Variants in HS3ST3A1 observed in about 807,000 individuals in gnomAD.
HS3ST3A1 encodes the protein heparan sulfate-glucosamine 3-sulfotransferase 3A1.
Under a neutral mutation model 25.7 loss-of-function variants are expected in HS3ST3A1, and 19 were observed. The ratio of observed to expected loss-of-function variants is 0.74; its 90% CI spans 0.52 to 1.08. The LOEUF (loss-of-function observed/expected upper bound fraction) is 1.08. Among genes scored for constraint, HS3ST3A1 ranks in the 50% least tolerant of loss-of-function variants. HS3ST3A1 has a pLI of 0.00. For synonymous variants in HS3ST3A1, 226 were observed against 278.6 expected (o/e 0.81, Z 1.88); for missense variants, 459 against 594.3 (o/e 0.77, Z 2.37).
At chr17:13,503,408 C>T (rs1033210129) in intron 1 of HS3ST3A1, among the ~76,000 whole-genome samples, 3 of 152,040 alleles carry the variant, frequency 2.0e-5, no homozygotes, top group African/African-American at 7.2e-5. Flanking sequence ...TGTATATTTT[C>T]AACAAGCTAG....
At chr17:13,500,387 C>T (rs568919662) in intron 1 of HS3ST3A1, among the ~76,000 whole-genome samples, 2 of 152,230 alleles carry the variant, frequency 1.3e-5, no homozygotes, top group East Asian at 1.9e-4. Flanking sequence ...TATGACTGTG[C>T]TTTGTGTAAA....
intron 1 of HS3ST3A1, among the ~76,000 whole-genome samples, chr17:13,548,286 A>G (rs1907142328): frequency 6.6e-6 from 1 of 152,124 alleles, no homozygotes; most frequent in Admixed American, 6.5e-5. Flanking sequence ...GTAAATGGCC[A>G]TATTCTGTGT....
Position 13,547,812 on chromosome 17 carries a change from G to A in HS3ST3A1, c.600-50994C>T, listed in dbSNP as rs371844784. 2.6e-5 allele frequency among the ~76,000 whole-genome samples: 4 copies of A among 152,084 alleles called. No homozygotes were observed. The South Asian group carries it at 8.3e-4, about 32-fold the overall frequency. On this transcript the variant is annotated intron_variant, in intron 1 of 1. Coordinates refer to ENST00000284110, the MANE Select transcript of HS3ST3A1 (RefSeq NM_006042.3). ...TGGGATTAGCATCTGATATGGGGCA[G>A]CCTTGTGGGAGGGACTGAGCCCTTA...
chr17:13,530,293 C>T (rs7211993), intron 1 of HS3ST3A1, among the ~76,000 whole-genome samples: 27,731 of 152,064 alleles, frequency 0.18, 2,751 homozygotes, highest in African/African-American at 0.25. Flanking sequence ...CAAAGGATAT[C>T]CAGAAAAGAT....
At chr17:13,533,268 G>A (rs1442550312) in intron 1 of HS3ST3A1, among the ~76,000 whole-genome samples, 1 of 151,952 alleles carries the variant, frequency 6.6e-6, no homozygotes, top group Non-Finnish European at 1.5e-5. Flanking sequence ...AAGGGAAATA[G>A]GAAAGAAACG....
intron 1 of HS3ST3A1, among the ~76,000 whole-genome samples, chr17:13,545,509 G>A (rs1161282093): frequency 6.6e-6 from 1 of 152,152 alleles, no homozygotes; most frequent in Non-Finnish European, 1.5e-5. Flanking sequence ...GCATGGAAGA[G>A]GTTTGTGTAT....
chr17:13,585,659 G>T (rs117050847), intron 1 of HS3ST3A1, among the ~76,000 whole-genome samples: 1,796 of 151,888 alleles, frequency 0.012, 24 homozygotes, highest in Non-Finnish European at 0.018. Context: ...GAAGACCTAG[G>T]TCTGCTCCTC....
At chr17:13,528,343 G>T (rs1906502130) in intron 1 of HS3ST3A1, among the ~76,000 whole-genome samples, 2 of 152,198 alleles carry the variant, frequency 1.3e-5, no homozygotes, top group Admixed American at 1.3e-4. Flanking sequence ...CTGCCATCCA[G>T]CTGTGTGACG....
intron 1 of HS3ST3A1, among the ~76,000 whole-genome samples, chr17:13,527,317 GAA>G (rs559346843): frequency 1.6e-4 from 24 of 152,146 alleles, no homozygotes; most frequent in Non-Finnish European, 3.1e-4. Flanking sequence ...GCATTAAAAA[GAA>G]AAAGAGATAG....
intron 1 of HS3ST3A1, among the ~76,000 whole-genome samples, chr17:13,559,276 G>A (rs1287165524): frequency 6.6e-6 from 1 of 152,070 alleles, no homozygotes; most frequent in Non-Finnish European, 1.5e-5. Flanking sequence ...TCAGCTGGGG[G>A]CTACCACCCA....
intron 1 of HS3ST3A1, among the ~76,000 whole-genome samples, chr17:13,572,368 A>T (rs73296184): frequency 0.04 from 6,140 of 152,196 alleles, 288 homozygotes; most frequent in East Asian, 0.12. Context: ...GATCCTTTCC[A>T]TCCTAGGGGG....
Position 13,594,909 on chromosome 17 carries a change from CAA to C in HS3ST3A1, c.599+5620_599+5621del, listed in dbSNP as rs61651330. Among the ~76,000 whole-genome samples the C allele has an allele frequency of 0.012, 1,871 of 152,246 alleles. 73 individuals are homozygous for C. In the East Asian group the frequency reaches 0.13, roughly 10 times the overall value. ...TATGCTCTATCATGATGAGGTTTTT[CAA>C]AGTTCTCCCTTTAGGGGTTCCTTCC... is the stretch of plus-strand genomic sequence containing the variant. On this transcript the variant is annotated intron_variant, in intron 1 of 1. Coordinates refer to ENST00000284110, the MANE Select transcript of HS3ST3A1 (RefSeq NM_006042.3).
intron 1 of HS3ST3A1, among the ~76,000 whole-genome samples, chr17:13,539,128 A>G (rs1199879830): frequency 6.6e-6 from 1 of 152,122 alleles, no homozygotes; most frequent in Non-Finnish European, 1.5e-5. Context: ...TCTCCTCAGC[A>G]GGGTTGTTGA....
intron 1 of HS3ST3A1, among the ~76,000 whole-genome samples, chr17:13,596,444 CACACAG>C (rs1908579444): frequency 6.6e-6 from 1 of 150,510 alleles, no homozygotes; most frequent in Non-Finnish European, 1.5e-5. Flanking sequence ...CACACACACA[CACACAG>C]AGGAACTAGG....
In HS3ST3A1 at chr17:13,600,949, C is replaced by A; in HGVS notation, c.181G>T (p.Glu61Ter). Residue 61 changes from glutamate (E) to a stop codon, truncating the protein, a stop_gained, in exon 1 of 2, where the codon GAG (glutamate) becomes TAG (stop). Coordinates refer to ENST00000284110, the MANE Select transcript of HS3ST3A1 (RefSeq NM_006042.3). LOFTEE classifies it high-confidence loss of function. The part of the protein sequence containing the change: ...GPVVGLSGGG[E>*]EAGAPGGGVL... ...CCGCCACCAGGGGCCCCCGCCTCCT[C>A]GCCGCCGCCGGACAGCCCCACGACG... The A allele has an allele frequency of 2.0e-6, 3 of 1,536,442 alleles. No homozygotes were observed. The highest frequency in any genetic ancestry group is 1.8e-6 in the Non-Finnish European group (2 of 1,141,542).
intron 1 of HS3ST3A1, among the ~76,000 whole-genome samples, chr17:13,539,772 T>C (rs975018055): frequency 1.3e-5 from 2 of 152,224 alleles, no homozygotes; most frequent in African/African-American, 4.8e-5. Context: ...GAAATTTCCA[T>C]AGACAATAGT....
Position 13,600,881 on chromosome 17 carries a change from C to G in HS3ST3A1, c.249G>C (p.Ala83=). ...GCAGGAGGCGCTTTCTCTGTGCCGC[C>G]GCCGGCCACACCGCCAGCTCCCTCG... ...GGPRELAVWP[A]AAQRKRLLQL... Residue 83 remains alanine, a synonymous_variant, in exon 1 of 2, where the codon GCG becomes GCC. Transcript: ENST00000284110. The G allele has an allele frequency of 1.4e-6, 2 of 1,473,028 alleles. No individual in the cohort carries two copies. Among genetic ancestry groups the G allele is most frequent in the Non-Finnish European group, 1.8e-6 (2 of 1,119,692 alleles). The allele number at this position is 1,473,028 out of a possible 1,614,324, so 91.2% of individuals were successfully genotyped here.
intron 1 of HS3ST3A1, among the ~76,000 whole-genome samples, chr17:13,579,260 G>T (rs547384833): frequency 4.6e-5 from 7 of 152,244 alleles, no homozygotes; most frequent in African/African-American, 1.7e-4. Flanking sequence ...TTGACCTTAT[G>T]ATTCTACTTC....
At chr17:13,505,104 G>C (rs2142298523) in intron 1 of HS3ST3A1, among the ~76,000 whole-genome samples, 1 of 152,330 alleles carries the variant, frequency 6.6e-6, no homozygotes, top group South Asian at 2.1e-4. Flanking sequence ...ATGCTGACAT[G>C]TTCACAATCA....
Sources: gnomAD v4.1 joint callset for allele counts (sites outside exome capture counted in the v4.1 genomes callset) on GRCh38, gnomAD v4.1.1 for gene constraint, MANE v1.5 for transcripts, NCBI Gene and HGNC (gene_info 2026-07-23, HGNC 2026-07-21) for gene names.